HTR1F: variants seen among roughly 807,000 people sequenced by gnomAD.
HTR1F encodes the protein 5-hydroxytryptamine receptor 1F.
A neutral mutation model predicts 24.0 loss-of-function variants in HTR1F; 17 were observed. That is an observed-to-expected ratio of 0.71 (90% confidence interval 0.48 to 1.06). HTR1F has a LOEUF of 1.06. HTR1F is among the 50% of genes least tolerant of loss of function. The pLI is 0.00. For missense variants in HTR1F, 391 were observed against 427.8 expected, an observed-to-expected ratio of 0.91 and a Z score of 0.76; for synonymous variants, 186 against 156.8, an observed-to-expected ratio of 1.19 and a Z score of -1.39.
chr3:87,981,983 AG>A (rs1705554128), intron 2 of HTR1F, among the ~76,000 whole-genome samples: 1 of 151,836 alleles, frequency 6.6e-6, no homozygotes, highest in East Asian at 1.9e-4. Flanking sequence ...CCCAGGCTAG[AG>A]TTCAGTGGCA....
At chr3:87,879,084 T>C (rs1308893793) in intron 2 of HTR1F, among the ~76,000 whole-genome samples, 1 of 152,188 alleles carries the variant, frequency 6.6e-6, no homozygotes, top group African/African-American at 2.4e-5. Context: ...CAGTATATGC[T>C]GTGAATTTCT....
At chr3:87,931,371 C>G (rs946691674) in intron 2 of HTR1F, among the ~76,000 whole-genome samples, 6 of 152,138 alleles carry the variant, frequency 3.9e-5, no homozygotes, top group Admixed American at 2.0e-4. Flanking sequence ...CTACAAAGGA[C>G]GTGAACTCAT....
chr3:87,815,788 A>G (rs1401901254), intron 1 of HTR1F, among the ~76,000 whole-genome samples: 3 of 152,122 alleles, frequency 2.0e-5, no homozygotes, highest in Non-Finnish European at 4.4e-5. Context: ...TTCTTCATAT[A>G]GCATATGGTA....
intron 2 of HTR1F, among the ~76,000 whole-genome samples, chr3:87,886,066 A>T (rs1235797973): frequency 6.6e-6 from 1 of 152,210 alleles, no homozygotes; most frequent in African/African-American, 2.4e-5. Flanking sequence ...AGTATCCCTG[A>T]TGCACATCGA....
chr3:87,972,852 C>T (rs930557705), intron 2 of HTR1F, among the ~76,000 whole-genome samples: 5 of 113,518 alleles, frequency 4.4e-5, no homozygotes, highest in African/African-American at 1.5e-4. Flanking sequence ...GCTAGAGTCT[C>T]ATTGTCTCAC....
At chr3:87,849,583 G>A (rs1575942735) in intron 2 of HTR1F, among the ~76,000 whole-genome samples, 2 of 151,980 alleles carry the variant, frequency 1.3e-5, no homozygotes, top group African/African-American at 2.4e-5. Flanking sequence ...AAAAGCAATG[G>A]CAACAAAAGA....
intron 1 of HTR1F, among the ~76,000 whole-genome samples, chr3:87,801,990 C>T: frequency 7.4e-6 from 1 of 135,144 alleles, no homozygotes; most frequent in Non-Finnish European, 1.5e-5. Flanking sequence ...TCTTTCTTTC[C>T]TTCCTTCCTT....
chr3:87,861,314 C>G (rs1245138556), intron 2 of HTR1F, among the ~76,000 whole-genome samples: 1 of 152,110 alleles, frequency 6.6e-6, no homozygotes, highest in African/African-American at 2.4e-5. Flanking sequence ...GTTCACTCTT[C>G]CTATCACTGT....
chr3:87,951,024 T>C (rs1325518494), intron 2 of HTR1F, among the ~76,000 whole-genome samples: 1 of 152,160 alleles, frequency 6.6e-6, no homozygotes, highest in South Asian at 2.1e-4. Context: ...CATCCTGGTA[T>C]CTGCAACTTT....
intron 2 of HTR1F, among the ~76,000 whole-genome samples, chr3:87,829,508 C>T (rs192438237): frequency 6.6e-6 from 1 of 152,184 alleles, no homozygotes; most frequent in Non-Finnish European, 1.5e-5. Flanking sequence ...GCAGTCGAAC[C>T]ACTAACCTTC....
Position 87,990,672 on chromosome 3 carries a change from C to T in HTR1F, c.-42-36C>T, listed in dbSNP as rs1799924. On this transcript the variant is annotated intron_variant, in intron 2 of 2. Transcript: ENST00000319595. ...AAAGGAAGAGAAAAGTTCTTGAAGC[C>T]TTCTCTGAACTGTTTTTTCTCTTCC... The T allele has an allele frequency of 2.7e-3, 2,840 of 1,070,088 alleles. 11 individuals are homozygous for T. Among genetic ancestry groups the T allele is most frequent in the Non-Finnish European group, 3.1e-3 (2,290 of 729,156 alleles). The allele number at this position is 1,070,088 out of a possible 1,614,324, so 66.3% of individuals were successfully genotyped here.
intron 2 of HTR1F, among the ~76,000 whole-genome samples, chr3:87,892,746 C>T (rs1047562566): frequency 7.2e-5 from 11 of 151,982 alleles, no homozygotes; most frequent in South Asian, 4.2e-4. Flanking sequence ...TATTATCGTG[C>T]GCCCTTTTGG....
chr3:87,895,281 AAATACACATTT>A (rs1290729113), intron 2 of HTR1F, among the ~76,000 whole-genome samples: 15 of 152,194 alleles, frequency 9.9e-5, no homozygotes, highest in African/African-American at 3.6e-4. Context: ...TATACAGATT[AAATACACATTT>A]AATACACATT....
intron 2 of HTR1F, among the ~76,000 whole-genome samples, chr3:87,910,738 C>G (rs1040303712): frequency 1.3e-5 from 2 of 152,036 alleles, no homozygotes; most frequent in African/African-American, 2.4e-5. Flanking sequence ...CAATCCTCAG[C>G]AAATTCAAAA....
intron 2 of HTR1F, among the ~76,000 whole-genome samples, chr3:87,955,829 AT>A (rs1704931700): frequency 6.6e-6 from 1 of 151,458 alleles, no homozygotes; most frequent in South Asian, 2.1e-4. Flanking sequence ...CTATTCAAAT[AT>A]CTTCTTTTGT....
chr3:87,867,095 T>G (rs562802339), intron 2 of HTR1F, among the ~76,000 whole-genome samples: 1 of 152,068 alleles, frequency 6.6e-6, no homozygotes, highest in African/African-American at 2.4e-5. Context: ...GCTTGTAATG[T>G]GTCAAAGTAT....
intron 2 of HTR1F, among the ~76,000 whole-genome samples, chr3:87,846,517 G>A: frequency 6.6e-6 from 1 of 151,874 alleles, no homozygotes; most frequent in Non-Finnish European, 1.5e-5. Flanking sequence ...TTTAATAAAT[G>A]AGAAAAATAA....
At chr3:87,901,695 ATACAC>A in intron 2 of HTR1F, among the ~76,000 whole-genome samples, 1 of 152,134 alleles carries the variant, frequency 6.6e-6, no homozygotes, top group Non-Finnish European at 1.5e-5. Flanking sequence ...CAATTTACAT[ATACAC>A]TCACCAAAAA....
chr3:87,798,325 G>A (rs1260144110), intron 1 of HTR1F, among the ~76,000 whole-genome samples: 3 of 151,964 alleles, frequency 2.0e-5, no homozygotes, highest in South Asian at 2.1e-4. Flanking sequence ...CCTCTAGGCC[G>A]ATTGTCAAGC....
Sources: gnomAD v4.1 joint callset for allele counts (sites outside exome capture counted in the v4.1 genomes callset) on GRCh38, gnomAD v4.1.1 for gene constraint, MANE v1.5 for transcripts, NCBI Gene and HGNC (gene_info 2026-07-23, HGNC 2026-07-21) for gene names.